RALGPS1: variants seen among roughly 807,000 people sequenced by gnomAD.
The protein encoded by RALGPS1 is Ral GEF with PH domain and SH3 binding motif 1.
Under a neutral mutation model 78.8 loss-of-function variants are expected in RALGPS1, and 19 were observed. That is an observed-to-expected ratio of 0.24 (90% CI 0.17 to 0.35). The LOEUF is 0.35. Ranked by LOEUF, RALGPS1 falls within the 10% of genes least tolerant of loss-of-function variation. The probability of loss-of-function intolerance (pLI) is 1.00; values close to 1 mark genes in which losing one functional copy is unlikely to be tolerated. For missense variants in RALGPS1, 454 were observed against 688.3 expected (o/e 0.66, Z 3.81); for synonymous variants, 228 against 256.3 (o/e 0.89, Z 1.06).
chr9:127,176,520 A>G (rs746146732), intron 11 of RALGPS1, among the ~76,000 whole-genome samples: 1 of 152,242 alleles, frequency 6.6e-6, no homozygotes, highest in Non-Finnish European at 1.5e-5. Flanking sequence ...ATCGGGAGAT[A>G]GTGCCAGAAT....
intron 8 of RALGPS1, among the ~76,000 whole-genome samples, chr9:127,105,221 A>C (rs1490106919): frequency 1.3e-5 from 2 of 152,190 alleles, no homozygotes; most frequent in Non-Finnish European, 2.9e-5. Flanking sequence ...TTGCGTAACA[A>C]AGAAGGATAA....
intron 1 of RALGPS1, among the ~76,000 whole-genome samples, chr9:126,945,883 C>G (rs914025862): frequency 1.3e-5 from 2 of 152,192 alleles, no homozygotes; most frequent in Admixed American, 6.5e-5. Flanking sequence ...CTTCAGCTTC[C>G]GTTTGGAGAA....
chr9:127,029,717 G>A (rs2046258453), intron 4 of RALGPS1, among the ~76,000 whole-genome samples: 1 of 152,216 alleles, frequency 6.6e-6, no homozygotes, highest in South Asian at 2.1e-4. Context: ...TGGCCTAGAT[G>A]CCGTGGGGGT....
At chr9:127,162,679 G>T (rs898154737) in intron 8 of RALGPS1, among the ~76,000 whole-genome samples, 3 of 152,122 alleles carry the variant, frequency 2.0e-5, no homozygotes, top group Non-Finnish European at 4.4e-5. Context: ...GCATCTGCAC[G>T]TTTTGTAGAG....
chr9:127,094,280 G>A (rs910094026), intron 8 of RALGPS1, among the ~76,000 whole-genome samples: 1 of 152,140 alleles, frequency 6.6e-6, no homozygotes, highest in Non-Finnish European at 1.5e-5. Context: ...TCATTTGGGG[G>A]AAGTTGCTGG....
chr9:127,195,231 C>T lies in RALGPS1; in HGVS notation c.1037+14C>T, dbSNP rs201967688. On this transcript the variant is annotated intron_variant, in intron 12 of 18. Coordinates refer to ENST00000259351, the MANE Select transcript of RALGPS1 (RefSeq NM_014636.3). ...CCTAGGCAACAAGTGGGTGACTGAGCAAGCCCTCCCGCCGGGCTTCAGACC... is the reference window on the plus strand; with the variant it reads ...CCTAGGCAACAAGTGGGTGACTGAGTAAGCCCTCCCGCCGGGCTTCAGACC... The T allele has an allele frequency of 2.3e-5, 37 of 1,606,478 alleles. No individual in the cohort carries two copies. The Middle Eastern group carries it at 8.3e-4, about 36-fold the overall frequency.
intron 1 of RALGPS1, among the ~76,000 whole-genome samples, chr9:126,916,833 T>C (rs997560972): frequency 2.0e-5 from 3 of 152,128 alleles, no homozygotes; most frequent in Admixed American, 1.3e-4. Flanking sequence ...AGGCAATGCC[T>C]GACTCCACTG....
At chr9:127,099,727 A>T (rs2136753889) in intron 8 of RALGPS1, among the ~76,000 whole-genome samples, 1 of 152,390 alleles carries the variant, frequency 6.6e-6, no homozygotes, top group East Asian at 1.9e-4. Flanking sequence ...AGCGAACCAG[A>T]GTACAAAACA....
chr9:127,001,750 G>T (rs1176622991), intron 4 of RALGPS1, among the ~76,000 whole-genome samples: 2 of 152,164 alleles, frequency 1.3e-5, no homozygotes, highest in African/African-American at 4.8e-5. Context: ...TGGGCGTGGA[G>T]GCGTGTGCCT....
At chr9:127,066,874 G>A (rs532201647) in intron 7 of RALGPS1, among the ~76,000 whole-genome samples, 2 of 151,968 alleles carry the variant, frequency 1.3e-5, no homozygotes, top group Non-Finnish European at 2.9e-5. Context: ...GTACGGTGGC[G>A]CAATCAAGAC....
intron 8 of RALGPS1, among the ~76,000 whole-genome samples, chr9:127,131,281 C>G (rs2056987048): frequency 1.3e-5 from 2 of 152,222 alleles, no homozygotes; most frequent in Non-Finnish European, 2.9e-5. Flanking sequence ...AATAACTGGT[C>G]ACTAAACTAG....
chr9:126,972,629 G>C (rs10819258), intron 3 of RALGPS1, among the ~76,000 whole-genome samples: 30,563 of 152,166 alleles, frequency 0.2, 3,808 homozygotes, highest in East Asian at 0.44. Flanking sequence ...TCCAGCTGCT[G>C]ATTTGCAGAC....
chr9:127,195,176 T>A lies in RALGPS1; in HGVS notation c.996T>A (p.Pro332=). The A allele has an allele frequency of 6.2e-7, 1 of 1,612,306 alleles. No individual in the cohort carries two copies. The highest frequency in any genetic ancestry group is 8.5e-7 in the Non-Finnish European group (1 of 1,179,926). The change falls in exon 12 of 19, where the codon CCT becomes CCA. Residue 332 remains proline, a synonymous_variant. Transcript: ENST00000259351. ...CTGTTGCTGGCAGCCTCCCCACACC[T>A]CCAGTCCCCAGACACAGGAAGAGCC... ...DTSVAGSLPT[P]PVPRHRKSHS...
intron 9 of RALGPS1, among the ~76,000 whole-genome samples, chr9:127,167,380 A>G (rs1406523293): frequency 6.6e-6 from 1 of 152,222 alleles, no homozygotes; most frequent in African/African-American, 2.4e-5. Context: ...GCACAAATAC[A>G]TTGATACTTG....
chr9:127,073,088 C>T (rs920111463), intron 8 of RALGPS1, among the ~76,000 whole-genome samples: 2 of 152,162 alleles, frequency 1.3e-5, no homozygotes, highest in African/African-American at 4.8e-5. Context: ...GTGTTGGGAA[C>T]ATTTCATGTC....
intron 8 of RALGPS1, among the ~76,000 whole-genome samples, chr9:127,153,310 T>C (rs942101799): frequency 2.0e-5 from 3 of 152,000 alleles, no homozygotes; most frequent in Non-Finnish European, 4.4e-5. Context: ...ACCTCTTGAT[T>C]CCTTTGGGGT....
intron 4 of RALGPS1, chr9:126,990,209 C>G: frequency 3.4e-6 from 2 of 589,722 alleles, no homozygotes; most frequent in Non-Finnish European, 5.8e-6. Context: ...TCATTAAAAC[C>G]CCTCTCTCAG....
At chr9:127,092,208 C>G (rs746143400) in intron 8 of RALGPS1, among the ~76,000 whole-genome samples, 27 of 152,232 alleles carry the variant, frequency 1.8e-4, no homozygotes, top group Non-Finnish European at 3.7e-4. Context: ...ACCTTCCCCA[C>G]AGGCTTGCTG....
chr9:127,162,647 C>T (rs928890073), intron 8 of RALGPS1, among the ~76,000 whole-genome samples: 2 of 152,082 alleles, frequency 1.3e-5, no homozygotes, highest in Non-Finnish European at 2.9e-5. Context: ...ACTCCTGGGT[C>T]TTGAGGAGTA....
Sources: gnomAD v4.1 joint callset for allele counts (sites outside exome capture counted in the v4.1 genomes callset) on GRCh38, gnomAD v4.1.1 for gene constraint, MANE v1.5 for transcripts, NCBI Gene and HGNC (gene_info 2026-07-23, HGNC 2026-07-21) for gene names.